The following CSMD1 variants were observed in gnomAD, a reference collection of about 807,000 sequenced individuals.
CSMD1 encodes the protein CUB and sushi domain-containing protein 1.
Under a neutral mutation model 417.5 loss-of-function variants are expected in CSMD1, and 213 were observed. That is an observed-to-expected ratio of 0.51 (90% CI 0.46 to 0.57). CSMD1 has a LOEUF of 0.57. Among genes scored for constraint, CSMD1 ranks in the 20% least tolerant of loss-of-function variants. CSMD1 has a pLI of 0.00. For missense variants in CSMD1, 6,923 were observed against 4,529.7 expected (o/e 1.53, Z -15.17); for synonymous variants, 2,862 against 1,736.8 (o/e 1.65, Z -16.11).
intron 2 of CSMD1, among the ~76,000 whole-genome samples, chr8:4,471,912 G>T (rs988739260): frequency 1.3e-5 from 2 of 152,126 alleles, no homozygotes; most frequent in South Asian, 2.1e-4. Flanking sequence ...TGTTTCCAAT[G>T]ATTAGGAAAT....
chr8:3,806,049 G>A (rs1212489346), intron 5 of CSMD1, among the ~76,000 whole-genome samples: 5 of 152,124 alleles, frequency 3.3e-5, no homozygotes, highest in African/African-American at 9.7e-5. Flanking sequence ...TTCTTCAATG[G>A]ATTTTAATTT....
At chr8:4,355,375 C>CAA (rs1245251744) in intron 3 of CSMD1, among the ~76,000 whole-genome samples, 1 of 151,776 alleles carries the variant, frequency 6.6e-6, no homozygotes, top group African/African-American at 2.4e-5. Context: ...CAAAACTCTA[C>CAA]AAAAATGACG....
In CSMD1 at chr8:3,834,467, T is replaced by C. The variant is rs185335675; in HGVS notation, c.819-80425A>G. Among the ~76,000 whole-genome samples, 5 of 152,272 alleles carry C rather than the reference T, an allele frequency of 3.3e-5. No individual in the cohort carries two copies. In the East Asian group the frequency reaches 5.8e-4, roughly 18 times the overall value. Reference sequence around the variant, plus strand: ...GGCTTCCCCGGCAGGCAGTGCTCCATGTGTGTTGTTCCAGGTCAGTACCTC... The same window carrying C: ...GGCTTCCCCGGCAGGCAGTGCTCCACGTGTGTTGTTCCAGGTCAGTACCTC... On this transcript the variant is annotated intron_variant, in intron 5 of 69. Transcript: ENST00000635120.
At chr8:4,945,786 A>C (rs1808326272) in intron 1 of CSMD1, among the ~76,000 whole-genome samples, 1 of 152,122 alleles carries the variant, frequency 6.6e-6, no homozygotes, top group Non-Finnish European at 1.5e-5. Flanking sequence ...GAGAATGGTG[A>C]CGGATGAGGT....
At chr8:3,481,734 G>C (rs1234950111) in intron 11 of CSMD1, among the ~76,000 whole-genome samples, 1 of 152,184 alleles carries the variant, frequency 6.6e-6, no homozygotes, top group Non-Finnish European at 1.5e-5. Context: ...CAGAGAGTGG[G>C]TTGATGTGGC....
chr8:3,226,989 C>G (rs747407070), intron 27 of CSMD1, among the ~76,000 whole-genome samples: 2 of 151,954 alleles, frequency 1.3e-5, no homozygotes, highest in Non-Finnish European at 2.9e-5. Context: ...TAAAACAAGA[C>G]ATCATCACTT....
intron 1 of CSMD1, among the ~76,000 whole-genome samples, chr8:4,739,730 G>A (rs1035836033): frequency 6.6e-6 from 1 of 152,072 alleles, no homozygotes; most frequent in African/African-American, 2.4e-5. Flanking sequence ...GCTCGTGGTG[G>A]TACTTTGCTC....
chr8:4,199,638 G>T (rs1388960685), intron 3 of CSMD1, among the ~76,000 whole-genome samples: 1 of 152,118 alleles, frequency 6.6e-6, no homozygotes, highest in Non-Finnish European at 1.5e-5. Flanking sequence ...CATAAATAAA[G>T]ACTTCAACCC....
intron 3 of CSMD1, among the ~76,000 whole-genome samples, chr8:4,041,326 C>G (rs908825198): frequency 6.6e-6 from 1 of 152,058 alleles, no homozygotes; most frequent in Non-Finnish European, 1.5e-5. Context: ...CGGGCCTTTG[C>G]CATTTTAAAC....
chr8:3,932,618 C>G lies in CSMD1; in HGVS notation c.818+65285G>C, dbSNP rs980036527. ...ATCCACAAACAGTATCATATTTCACCAAACATTTATATTGACATTTTGCAT... is the reference window on the plus strand; with the variant it reads ...ATCCACAAACAGTATCATATTTCACGAAACATTTATATTGACATTTTGCAT... On this transcript the variant is annotated intron_variant, in intron 5 of 69. Transcript: ENST00000635120. 2.5e-4 allele frequency among the ~76,000 whole-genome samples: 37 copies of G among 150,390 alleles called. 2 individuals are homozygous for G. Among genetic ancestry groups the G allele is most frequent in the Admixed American group, 7.9e-4 (12 of 15,110 alleles).
At chr8:3,126,727 G>A (rs1005309326) in intron 41 of CSMD1, among the ~76,000 whole-genome samples, 1 of 152,142 alleles carries the variant, frequency 6.6e-6, no homozygotes, top group African/African-American at 2.4e-5. Context: ...TGCTCCATTT[G>A]TTCTCTTAGC....
chr8:4,436,823 G>A (rs573968681), intron 2 of CSMD1, among the ~76,000 whole-genome samples: 2 of 152,236 alleles, frequency 1.3e-5, no homozygotes, highest in East Asian at 3.9e-4. Flanking sequence ...TCCAGCTCTA[G>A]CCATGTTGGT....
At chr8:3,347,242 C>G (rs1260920814) in intron 22 of CSMD1, among the ~76,000 whole-genome samples, 1 of 152,212 alleles carries the variant, frequency 6.6e-6, no homozygotes, top group Non-Finnish European at 1.5e-5. Flanking sequence ...CTTTTCAGTG[C>G]CTTGAGGCTA....
At chr8:3,493,157 G>T (rs769792775) in intron 11 of CSMD1, among the ~76,000 whole-genome samples, 6 of 151,942 alleles carry the variant, frequency 3.9e-5, no homozygotes, top group Admixed American at 1.3e-4. Context: ...AGCCTGGCAT[G>T]ATGGCACACA....
At chr8:4,952,815 A>C (rs1258976960) in intron 1 of CSMD1, among the ~76,000 whole-genome samples, 2 of 152,144 alleles carry the variant, frequency 1.3e-5, no homozygotes, top group African/African-American at 4.8e-5. Flanking sequence ...CTACACAGTA[A>C]TCAGCGTTTT....
chr8:3,641,659 T>G (rs1033038422), intron 7 of CSMD1, among the ~76,000 whole-genome samples: 1 of 152,154 alleles, frequency 6.6e-6, no homozygotes, highest in Non-Finnish European at 1.5e-5. Context: ...CGTAGGAATT[T>G]CAAATACAGC....
chr8:4,629,281 C>G (rs1239955911), intron 2 of CSMD1, among the ~76,000 whole-genome samples: 1 of 152,040 alleles, frequency 6.6e-6, no homozygotes, highest in Non-Finnish European at 1.5e-5. Flanking sequence ...AATATCCTAC[C>G]AATAGACATG....
chr8:3,473,230 A>C (rs887248533), intron 11 of CSMD1, among the ~76,000 whole-genome samples: 6 of 152,194 alleles, frequency 3.9e-5, no homozygotes, highest in African/African-American at 1.4e-4. Context: ...CATTTGCATG[A>C]AACAGTCAGC....
intron 3 of CSMD1, among the ~76,000 whole-genome samples, chr8:4,361,837 C>G (rs1363507891): frequency 1.3e-5 from 2 of 152,078 alleles, no homozygotes; most frequent in East Asian, 3.9e-4. Context: ...CGCCTGTACT[C>G]CCAGCTATTT....
Sources: allele counts gnomAD v4.1 joint callset (sites outside exome capture counted in the v4.1 genomes callset), GRCh38; gene constraint gnomAD v4.1.1; transcripts MANE v1.5; gene names NCBI Gene and HGNC (gene_info 2026-07-23, HGNC 2026-07-21).